Variants in NALF1 observed in about 807,000 individuals in gnomAD.
The protein encoded by NALF1 is NALCN channel auxiliary factor 1, also known as family with sequence similarity 155 member A.
In NALF1, 3 loss-of-function variants were observed where a neutral mutation model predicts 48.4. The observed-to-expected ratio is 0.06, with a 90% confidence interval of 0.03 to 0.16. The LOEUF is 0.16. Among genes scored for constraint, NALF1 ranks in the 10% least tolerant of loss-of-function variants. The pLI, the probability that NALF1 is intolerant of heterozygous loss-of-function variation, is 1.00. For synonymous variants in NALF1, 262 were observed against 245.7 expected (o/e 1.07, Z -0.62); for missense variants, 526 against 571.5 (o/e 0.92, Z 0.81).
At chr13:107,199,787 T>C (rs1879471772) in intron 2 of NALF1, among the ~76,000 whole-genome samples, 2 of 152,242 alleles carry the variant, frequency 1.3e-5, no homozygotes, top group South Asian at 2.1e-4. Context: ...CTGAGATGCT[T>C]CTTTCTGACT....
In NALF1 at chr13:107,167,718, G is replaced by A. The variant is rs1878691953; in HGVS notation, c.*2779C>T. 6.6e-6 allele frequency: 1 copy of A among 151,222 alleles called. No homozygotes were observed. The highest frequency in any genetic ancestry group is 2.4e-5 in the African/African-American group (1 of 41,016). The allele number at this position is 151,222 out of a possible 1,614,324, so 9.4% of individuals were successfully genotyped here. On this transcript the variant is annotated 3_prime_UTR_variant, in exon 3 of 3. Coordinates refer to ENST00000375915, the MANE Select transcript of NALF1 (RefSeq NM_001080396.3). ...TAAATTATCACTTTATATTTACAAT[G>A]AAGACTGCAGTGTTTCTCCCAACTT...
intron 1 of NALF1, among the ~76,000 whole-genome samples, chr13:107,373,817 C>A (rs773055598): frequency 6.6e-6 from 1 of 152,086 alleles, no homozygotes; most frequent in Non-Finnish European, 1.5e-5. Context: ...TGTATAAAGG[C>A]CAAATAAATC....
intron 1 of NALF1, among the ~76,000 whole-genome samples, chr13:107,648,035 T>C (rs1370534881): frequency 1.3e-5 from 2 of 152,154 alleles, no homozygotes; most frequent in Non-Finnish European, 2.9e-5. Flanking sequence ...TATTGTTTTT[T>C]AATCAATGAG....
chr13:107,490,678 T>C (rs538194651), intron 1 of NALF1, among the ~76,000 whole-genome samples: 13 of 152,212 alleles, frequency 8.5e-5, no homozygotes, highest in Admixed American at 7.9e-4. Flanking sequence ...CGTTTACATA[T>C]GTAACAAACC....
At chr13:107,801,849 CTT>C (rs145017810) in intron 1 of NALF1, among the ~76,000 whole-genome samples, 4,211 of 152,238 alleles carry the variant, frequency 0.028, 213 homozygotes, top group African/African-American at 0.097. Flanking sequence ...CCCCTTTCCT[CTT>C]CGCACAGCCA....
In NALF1 at chr13:107,741,568, T is replaced by C. The variant is rs149689364; in HGVS notation, c.915+124114A>G. Among the ~76,000 whole-genome samples the C allele has an allele frequency of 6.3e-3, 954 of 152,194 alleles. 8 individuals carry two copies. The highest frequency in any genetic ancestry group is 0.021 in the African/African-American group (875 of 41,512). ...GGTACTATAAACGGGAAGAGAAATA[T>C]CTTGCAATAATACAAGGGAACTTTT... On this transcript the variant is annotated intron_variant, in intron 1 of 2. Coordinates refer to ENST00000375915, the MANE Select transcript of NALF1 (RefSeq NM_001080396.3).
At chr13:107,582,236 T>C (rs1037115535) in intron 1 of NALF1, among the ~76,000 whole-genome samples, 1 of 152,194 alleles carries the variant, frequency 6.6e-6, no homozygotes, top group Non-Finnish European at 1.5e-5. Flanking sequence ...AAGTAGACAT[T>C]AAGAAAGGCA....
At chr13:107,244,192 G>T (rs1880532007) in intron 1 of NALF1, among the ~76,000 whole-genome samples, 1 of 152,132 alleles carries the variant, frequency 6.6e-6, no homozygotes, top group South Asian at 2.1e-4. Context: ...GCAAAACACG[G>T]GGAGAGAGCA....
chr13:107,650,231 A>C (rs1284422769), intron 1 of NALF1, among the ~76,000 whole-genome samples: 2 of 152,044 alleles, frequency 1.3e-5, no homozygotes, highest in Admixed American at 1.3e-4. Flanking sequence ...CTGTCTAGGA[A>C]GGTCACCTGA....
intron 1 of NALF1, among the ~76,000 whole-genome samples, chr13:107,260,099 T>C (rs975279006): frequency 1.3e-5 from 2 of 152,206 alleles, no homozygotes; most frequent in African/African-American, 4.8e-5. Flanking sequence ...TTGTACTGCA[T>C]CATATACATA....
chr13:107,351,232 A>G (rs1377430030), intron 1 of NALF1, among the ~76,000 whole-genome samples: 1 of 152,204 alleles, frequency 6.6e-6, no homozygotes, highest in Non-Finnish European at 1.5e-5. Flanking sequence ...AAGAGGGTAG[A>G]TCTCGCGTTA....
At chr13:107,829,991 CCAACCCTAACTCA>C (rs1879665656) in intron 1 of NALF1, among the ~76,000 whole-genome samples, 1 of 152,168 alleles carries the variant, frequency 6.6e-6, no homozygotes, top group Non-Finnish European at 1.5e-5. Context: ...GCAACAGATG[CCAACCCTAACTCA>C]CAACCCTAAC....
chr13:107,865,245 G>C (rs1393513911), intron 1 of NALF1, among the ~76,000 whole-genome samples: 1 of 152,172 alleles, frequency 6.6e-6, no homozygotes, highest in East Asian at 1.9e-4. Context: ...CTATGAGAGC[G>C]TTCCTGTGTG....
intron 1 of NALF1, among the ~76,000 whole-genome samples, chr13:107,324,746 A>C (rs1269265682): frequency 6.6e-6 from 1 of 152,210 alleles, no homozygotes; most frequent in Non-Finnish European, 1.5e-5. Context: ...AAATATTTCT[A>C]ACTTTTCAAT....
chr13:107,189,279 C>T (rs1015173011), intron 2 of NALF1, among the ~76,000 whole-genome samples: 4 of 152,190 alleles, frequency 2.6e-5, no homozygotes, highest in Non-Finnish European at 5.9e-5. Context: ...ATCTAACACA[C>T]ACTGCAAAAT....
chr13:107,343,428 G>A (rs781181123), intron 1 of NALF1, among the ~76,000 whole-genome samples: 4 of 152,178 alleles, frequency 2.6e-5, no homozygotes, highest in East Asian at 1.9e-4. Flanking sequence ...TCTCATGATA[G>A]TAAATAAGTC....
intron 1 of NALF1, among the ~76,000 whole-genome samples, chr13:107,634,431 A>T (rs773877008): frequency 1.3e-5 from 2 of 152,304 alleles, no homozygotes; most frequent in Non-Finnish European, 2.9e-5. Context: ...AATAAAAGGC[A>T]AATGTAAGCA....
intron 1 of NALF1, among the ~76,000 whole-genome samples, chr13:107,641,486 T>G (rs970249483): frequency 7.9e-5 from 12 of 152,312 alleles, no homozygotes; most frequent in South Asian, 6.2e-4. Context: ...ACACATTGTA[T>G]GCATTTATCA....
chr13:107,251,971 T>C (rs926150151), intron 1 of NALF1, among the ~76,000 whole-genome samples: 2 of 152,206 alleles, frequency 1.3e-5, no homozygotes, highest in South Asian at 4.1e-4. Flanking sequence ...GAGTGTCCCC[T>C]GACCCCAAGT....
Sources: allele counts gnomAD v4.1 joint callset (sites outside exome capture counted in the v4.1 genomes callset), GRCh38; gene constraint gnomAD v4.1.1; transcripts MANE v1.5; gene names NCBI Gene and HGNC (gene_info 2026-07-23, HGNC 2026-07-21).